The following SHROOM3 variants were observed in gnomAD, a reference collection of about 807,000 sequenced individuals.
The protein encoded by SHROOM3 is protein Shroom3.
In SHROOM3, 47 loss-of-function variants were observed where a neutral mutation model predicts 138.6. That is an observed-to-expected ratio of 0.34 (90% CI 0.27 to 0.43). The LOEUF is 0.43. Among genes scored for constraint, SHROOM3 ranks in the 20% least tolerant of loss-of-function variants. The probability of loss-of-function intolerance (pLI) is 1.00; values close to 1 mark genes in which losing one functional copy is unlikely to be tolerated. For missense variants in SHROOM3, 2,491 were observed against 2,596.5 expected, an observed-to-expected ratio of 0.96 and a Z score of 0.88; for synonymous variants, 1,062 against 1,063.3, an observed-to-expected ratio of 1.00 and a Z score of 0.02.
chr4:76,584,163 A>G (rs1485143636), intron 2 of SHROOM3, among the ~76,000 whole-genome samples: 1 of 152,036 alleles, frequency 6.6e-6, no homozygotes, highest in African/African-American at 2.4e-5. Flanking sequence ...AAAAAAAAAT[A>G]AAAAATTAGC....
intron 4 of SHROOM3, 139 bp from the exon 5 acceptor site, chr4:76,738,622 C>T: frequency 1.1e-6 from 1 of 951,556 alleles, no homozygotes; most frequent in Admixed American, 2.0e-5. Flanking sequence ...TGAGCAAGGC[C>T]CAAATATGGC....
At chr4:76,702,297 A>G (rs1475191364) in intron 2 of SHROOM3, among the ~76,000 whole-genome samples, 2 of 152,198 alleles carry the variant, frequency 1.3e-5, no homozygotes, top group African/African-American at 4.8e-5. Context: ...AATAAGGATG[A>G]TTATTGCCTC....
chr4:76,723,026 G>A (rs35508213), intron 3 of SHROOM3, among the ~76,000 whole-genome samples: 11,008 of 152,038 alleles, frequency 0.072, 507 homozygotes, highest in Non-Finnish European at 0.1. Context: ...ACTGCACCGA[G>A]AAGAGCCCAT....
intron 2 of SHROOM3, among the ~76,000 whole-genome samples, chr4:76,624,826 A>G (rs760043647): frequency 6.6e-6 from 1 of 152,224 alleles, no homozygotes; most frequent in Non-Finnish European, 1.5e-5. Context: ...AAGCCAGGTA[A>G]GACTTGCTAT....
At chr4:76,637,577 C>T (rs981550823) in intron 2 of SHROOM3, 3 of 152,268 alleles carry the variant, frequency 2.0e-5, no homozygotes, top group East Asian at 3.9e-4. Flanking sequence ...TGCTCAGGAT[C>T]TTTAGAAGCT....
intron 2 of SHROOM3, among the ~76,000 whole-genome samples, chr4:76,649,299 T>C (rs939884686): frequency 1.3e-5 from 2 of 152,132 alleles, no homozygotes; most frequent in African/African-American, 2.4e-5. Context: ...TAAAAGGAAA[T>C]TGAAACTTCT....
chr4:76,621,517 T>G (rs1316299957), intron 2 of SHROOM3, among the ~76,000 whole-genome samples: 1 of 152,230 alleles, frequency 6.6e-6, no homozygotes, highest in Non-Finnish European at 1.5e-5. Flanking sequence ...GGGCAGTGGT[T>G]TGGGTGAAGC....
intron 2 of SHROOM3, among the ~76,000 whole-genome samples, chr4:76,605,933 CTA>C (rs1326696560): frequency 2.9e-3 from 383 of 133,070 alleles, no homozygotes; most frequent in Middle Eastern, 7.9e-3. Flanking sequence ...CTCTCTCTCT[CTA>C]TATATATATA....
intron 1 of SHROOM3, among the ~76,000 whole-genome samples, chr4:76,518,546 TCTTCCTTC>T (rs759245766): frequency 1.4e-5 from 2 of 146,408 alleles, no homozygotes; most frequent in African/African-American, 5.1e-5. Flanking sequence ...CTTCCTACCT[TCTTCCTTC>T]CTTCCTTCCT....
chr4:76,522,878 T>A (rs1732595499), intron 1 of SHROOM3, among the ~76,000 whole-genome samples: 1 of 152,244 alleles, frequency 6.6e-6, no homozygotes, highest in African/African-American at 2.4e-5. Context: ...CTTTTATATT[T>A]CACATTATAC....
rs3045185 is a variant in SHROOM3, at chr4:76,650,519, ATATTTATTTATTTATT to A, written c.324-59607_324-59592del. Reference sequence around the variant, plus strand: ...TGTTGCAACATTCTTTTTTTTAAGTATATTTATTTATTTATTTATTTATTTATTTATTTATTTATTT... The same window carrying A: ...TGTTGCAACATTCTTTTTTTTAAGTATATTTATTTATTTATTTATTTATTT... On this transcript the variant is annotated intron_variant, in intron 2 of 10. Transcript: ENST00000296043. 6.4e-3 allele frequency among the ~76,000 whole-genome samples: 937 copies of A among 145,604 alleles called. 4 individuals carry two copies. Among genetic ancestry groups the A allele is most frequent in the African/African-American group, 0.016 (608 of 39,148 alleles).
chr4:76,776,696 A>C (rs1390674629), intron 10 of SHROOM3, among the ~76,000 whole-genome samples: 1 of 152,136 alleles, frequency 6.6e-6, no homozygotes, highest in African/African-American at 2.4e-5. Context: ...TCCTTCCTTC[A>C]GTTAAATATA....
At chr4:76,444,284 A>G (rs1049025966) in intron 1 of SHROOM3, among the ~76,000 whole-genome samples, 2 of 150,470 alleles carry the variant, frequency 1.3e-5, no homozygotes, top group African/African-American at 4.9e-5. Context: ...TATGTTATAT[A>G]TATGTATATA....
intron 2 of SHROOM3, among the ~76,000 whole-genome samples, chr4:76,594,955 T>C (rs1410244460): frequency 6.6e-6 from 1 of 152,166 alleles, no homozygotes; most frequent in East Asian, 1.9e-4. Flanking sequence ...AATCCAACTA[T>C]AGGAAGCCAG....
intron 2 of SHROOM3, among the ~76,000 whole-genome samples, chr4:76,672,237 A>C (rs189947802): frequency 3.9e-5 from 6 of 152,288 alleles, no homozygotes; most frequent in African/African-American, 1.2e-4. Flanking sequence ...ATATGCATAC[A>C]AAGTGCTAAG....
At chr4:76,747,385 G>T (rs1419382754) in intron 5 of SHROOM3, among the ~76,000 whole-genome samples, 1 of 152,038 alleles carries the variant, frequency 6.6e-6, no homozygotes. Flanking sequence ...GTATCAGATT[G>T]GGAAGATATT....
chr4:76,756,927 GA>G lies in SHROOM3; in HGVS notation c.5190del (p.Gly1731AlafsTer10). 1 of 1,614,028 alleles carries G rather than the reference GA, an allele frequency of 6.2e-7. No individual in the cohort carries two copies. Among genetic ancestry groups the G allele is most frequent in the Non-Finnish European group, 8.5e-7 (1 of 1,180,042 alleles). On this transcript the variant is annotated frameshift_variant, in exon 8 of 11. Coordinates refer to ENST00000296043, the MANE Select transcript of SHROOM3 (RefSeq NM_020859.4). LOFTEE classifies it high-confidence loss of function. ...IQRTVSSSGC[E>X]GKRNEDKEAV... ...GAGAACTGTCAGCTCTTCAGGATGT[GA>G]AGGCAAGAGGTAAGTCCCTGGTGAT... is the stretch of plus-strand genomic sequence containing the variant.
At chr4:76,676,979 A>C (rs1365093254) in intron 2 of SHROOM3, among the ~76,000 whole-genome samples, 1 of 151,824 alleles carries the variant, frequency 6.6e-6, no homozygotes, top group Non-Finnish European at 1.5e-5. Context: ...GAAAAGGAAA[A>C]AGAAAATTTC....
intron 1 of SHROOM3, among the ~76,000 whole-genome samples, chr4:76,552,079 A>T (rs56746970): frequency 0.96 from 143,194 of 148,892 alleles, 69,120 homozygotes; most frequent in East Asian, 1. Flanking sequence ...GCCAGGATGG[A>T]CTCGATCTCC....
Sources: allele counts gnomAD v4.1 joint callset (sites outside exome capture counted in the v4.1 genomes callset), GRCh38; gene constraint gnomAD v4.1.1; transcripts MANE v1.5; gene names NCBI Gene and HGNC (gene_info 2026-07-23, HGNC 2026-07-21).